DLG2: variants seen among roughly 807,000 people sequenced by gnomAD.
DLG2 encodes discs large MAGUK scaffold protein 2.
DLG2 carries 45 observed loss-of-function variants against 132.5 expected under a neutral mutation model. The observed-to-expected ratio is 0.34, with a 90% CI of 0.27 to 0.44. DLG2 has a LOEUF of 0.44. DLG2 is among the 20% of genes least tolerant of loss of function. DLG2 has a pLI of 1.00. For missense variants in DLG2, 1,045 were observed against 1,196.9 expected (o/e 0.87, Z 1.87); for synonymous variants, 424 against 419.6 (o/e 1.01, Z -0.13).
At chr11:85,613,406 T>C (rs528311921) in intron 2 of DLG2, among the ~76,000 whole-genome samples, 3 of 152,242 alleles carry the variant, frequency 2.0e-5, no homozygotes, top group African/African-American at 7.2e-5. Flanking sequence ...AGAAAGTAGC[T>C]AGAGCAGTCA....
intron 6 of DLG2, among the ~76,000 whole-genome samples, chr11:84,990,378 G>C (rs1238911603): frequency 2.6e-5 from 4 of 152,208 alleles, no homozygotes; most frequent in Non-Finnish European, 4.4e-5. Flanking sequence ...TCATGAATGA[G>C]ATTAGTGCCC....
intron 7 of DLG2, among the ~76,000 whole-genome samples, chr11:84,396,309 T>A (rs1020868984): frequency 1.3e-5 from 2 of 152,168 alleles, no homozygotes; most frequent in African/African-American, 4.8e-5. Flanking sequence ...ATAGTTAATT[T>A]TCATTGCAAA....
intron 3 of DLG2, among the ~76,000 whole-genome samples, chr11:85,292,661 G>GGAGGGAGGGAGT (rs2078977906): frequency 1.8e-5 from 1 of 54,122 alleles, no homozygotes; most frequent in African/African-American, 7.0e-5. Flanking sequence ...AGGAAGGGAG[G>GGAGGGAGGGAGT]GAGGGAGGGA....
intron 8 of DLG2, among the ~76,000 whole-genome samples, chr11:84,193,839 T>C (rs878923590): frequency 6.6e-6 from 1 of 152,244 alleles, no homozygotes; most frequent in Non-Finnish European, 1.5e-5. Context: ...GGATTTTTTA[T>C]GAAGGCACTG....
intron 7 of DLG2, among the ~76,000 whole-genome samples, chr11:84,387,472 C>T (rs1240682772): frequency 6.6e-6 from 1 of 151,788 alleles, no homozygotes; most frequent in South Asian, 2.1e-4. Context: ...AAATAAATAG[C>T]CAACTATGGT....
intron 19 of DLG2, chr11:83,632,634 T>C (rs2063764493): frequency 6.6e-6 from 1 of 152,240 alleles, no homozygotes. Flanking sequence ...TCATTTATCT[T>C]TTTCTGGTAA....
chr11:83,742,283 CTG>C, intron 18 of DLG2, among the ~76,000 whole-genome samples: 1 of 151,394 alleles, frequency 6.6e-6, no homozygotes, highest in Non-Finnish European at 1.5e-5. Flanking sequence ...ATTTGACTGA[CTG>C]TAGTAATAAT....
chr11:85,419,074 C>T (rs1159608964), intron 3 of DLG2, among the ~76,000 whole-genome samples: 1 of 152,188 alleles, frequency 6.6e-6, no homozygotes, highest in Non-Finnish European at 1.5e-5. Context: ...TGTTCCTTGA[C>T]ATATTCAGTG....
intron 2 of DLG2, among the ~76,000 whole-genome samples, chr11:85,620,105 G>A (rs563937493): frequency 6.6e-5 from 10 of 152,106 alleles, no homozygotes; most frequent in South Asian, 4.1e-4. Flanking sequence ...ATGTCTCTGC[G>A]TCACATTTTG....
At chr11:83,754,348 T>C (rs1386682313) in intron 18 of DLG2, among the ~76,000 whole-genome samples, 1 of 151,218 alleles carries the variant, frequency 6.6e-6, no homozygotes, top group Admixed American at 6.6e-5. Context: ...GCATTAAATG[T>C]CAAGTATATC....
intron 3 of DLG2, among the ~76,000 whole-genome samples, chr11:85,414,235 T>C (rs1271242507): frequency 1.3e-5 from 2 of 152,076 alleles, no homozygotes; most frequent in Non-Finnish European, 2.9e-5. Flanking sequence ...TACTGATTTG[T>C]GTACATTAAT....
At chr11:85,010,394 T>C (rs989708843) in intron 6 of DLG2, among the ~76,000 whole-genome samples, 1 of 152,036 alleles carries the variant, frequency 6.6e-6, no homozygotes, top group Admixed American at 6.6e-5. Context: ...AGACCATAAA[T>C]AGCACAGTTT....
At chr11:84,145,689 T>C (rs1005103178) in intron 9 of DLG2, among the ~76,000 whole-genome samples, 4 of 152,114 alleles carry the variant, frequency 2.6e-5, no homozygotes, top group African/African-American at 9.7e-5. Flanking sequence ...CTTGGACTAA[T>C]GAACTGGAAG....
intron 6 of DLG2, among the ~76,000 whole-genome samples, chr11:84,688,504 T>C (rs2099740060): frequency 1.3e-5 from 2 of 152,330 alleles, no homozygotes; most frequent in East Asian, 1.9e-4. Flanking sequence ...TACATAGGTA[T>C]TGAGCCCTTG....
At chr11:85,516,722 C>A (rs563669609) in intron 3 of DLG2, among the ~76,000 whole-genome samples, 1 of 151,860 alleles carries the variant, frequency 6.6e-6, no homozygotes, top group Admixed American at 6.6e-5. Context: ...AGATTGAACC[C>A]TAAAAATACA....
At chr11:83,486,602 G>A (rs963380229) in intron 21 of DLG2, among the ~76,000 whole-genome samples, 1 of 152,120 alleles carries the variant, frequency 6.6e-6, no homozygotes, top group African/African-American at 2.4e-5. Context: ...GTATGAAAAT[G>A]TTGTGTATCA....
chr11:85,594,795 C>T (rs1016808209), intron 3 of DLG2, among the ~76,000 whole-genome samples: 3 of 151,956 alleles, frequency 2.0e-5, no homozygotes, highest in Non-Finnish European at 2.9e-5. Context: ...AGGCCGGGCA[C>T]GGTGGTGCAT....
chr11:84,202,809 AAC>A (rs1426859870), intron 8 of DLG2, among the ~76,000 whole-genome samples: 1 of 152,208 alleles, frequency 6.6e-6, no homozygotes, highest in African/African-American at 2.4e-5. Context: ...AAAGTACAAG[AAC>A]AGACACTTCT....
At chr11:84,266,915 C>T (rs2097645955) in intron 7 of DLG2, among the ~76,000 whole-genome samples, 1 of 152,204 alleles carries the variant, frequency 6.6e-6, no homozygotes, top group Non-Finnish European at 1.5e-5. Flanking sequence ...CCATACTTGG[C>T]ACTGCAGAAA....
Sources: allele counts gnomAD v4.1 joint callset (sites outside exome capture counted in the v4.1 genomes callset), GRCh38; gene constraint gnomAD v4.1.1; transcripts MANE v1.5; gene names NCBI Gene and HGNC (gene_info 2026-07-23, HGNC 2026-07-21).